CNBD1: variants seen among roughly 807,000 people sequenced by gnomAD.
CNBD1 encodes cyclic nucleotide-binding domain-containing protein 1.
Under a neutral mutation model 54.4 loss-of-function variants are expected in CNBD1, and 71 were observed. The observed-to-expected ratio is 1.30, with a 90% CI of 1.08 to 1.59. CNBD1 has a LOEUF of 1.59. Among genes scored for constraint, CNBD1 ranks in the 40% most tolerant of loss-of-function variants. The pLI, the probability that CNBD1 is intolerant of heterozygous loss-of-function variation, is 0.00. For missense variants in CNBD1, 659 were observed against 518.0 expected (o/e 1.27, Z -2.64); for synonymous variants, 182 against 170.7 (o/e 1.07, Z -0.51).
chr8:87,090,814 A>G (rs1373964509), intron 4 of CNBD1, among the ~76,000 whole-genome samples: 3 of 152,150 alleles, frequency 2.0e-5, no homozygotes, highest in Admixed American at 6.6e-5. Context: ...ATAGCTTATG[A>G]CACATTAAAC....
chr8:87,119,292 C>T (rs564153167), intron 4 of CNBD1, among the ~76,000 whole-genome samples: 1 of 150,264 alleles, frequency 6.7e-6, no homozygotes, highest in African/African-American at 2.4e-5. Flanking sequence ...TTGTAGATAC[C>T]TTTTACTTCT....
intron 3 of CNBD1, among the ~76,000 whole-genome samples, chr8:86,937,131 G>A (rs976954349): frequency 1.3e-5 from 2 of 152,170 alleles, no homozygotes; most frequent in African/African-American, 2.4e-5. Context: ...AATCATGGTA[G>A]AAGGTGGAGG....
At chr8:87,016,433 A>G (rs1809357154) in intron 4 of CNBD1, among the ~76,000 whole-genome samples, 2 of 150,730 alleles carry the variant, frequency 1.3e-5, no homozygotes, top group South Asian at 4.2e-4. Flanking sequence ...AAATAAAGGA[A>G]ATTATACAGA....
At chr8:87,088,978 A>T (rs1407342581) in intron 4 of CNBD1, among the ~76,000 whole-genome samples, 1 of 152,216 alleles carries the variant, frequency 6.6e-6, no homozygotes, top group Non-Finnish European at 1.5e-5. Context: ...ACTTCAGAAT[A>T]CAAAGGAGAA....
At chr8:86,963,386 G>A (rs1017327554) in intron 4 of CNBD1, among the ~76,000 whole-genome samples, 26 of 152,138 alleles carry the variant, frequency 1.7e-4, no homozygotes, top group African/African-American at 4.1e-4. Context: ...TTCGACTCCC[G>A]CTGTCATCTG....
At chr8:87,370,237 A>T (rs1422959803) in intron 10 of CNBD1, among the ~76,000 whole-genome samples, 1 of 152,062 alleles carries the variant, frequency 6.6e-6, no homozygotes, top group African/African-American at 2.4e-5. Context: ...CTTTGGGTAT[A>T]TACCCAGTAA....
At chr8:87,422,017 G>A (rs1245765114) in intron 2 of CNBD1, among the ~76,000 whole-genome samples, 2 of 149,130 alleles carry the variant, frequency 1.3e-5, no homozygotes, top group Non-Finnish European at 3.0e-5. Flanking sequence ...GCATTTCTCT[G>A]ATGGCCAGTG....
At chr8:87,391,316 T>C (rs1259103174) in intron 2 of CNBD1, among the ~76,000 whole-genome samples, 1 of 151,946 alleles carries the variant, frequency 6.6e-6, no homozygotes, top group African/African-American at 2.4e-5. Flanking sequence ...TTCAATGCAG[T>C]CCCTATCAAA....
At position 87,334,794 on chromosome 8, in the gene CNBD1, G is replaced by A. The variant is rs1809909774; in HGVS notation, c.1043-16891G>A. On this transcript the variant is annotated intron_variant, in intron 8 of 10. Transcript: ENST00000518476. Reference sequence around the variant, plus strand: ...AGTGCAGTGCAGTGGCGCAATCTCAGCTCACTGCAATCTCCACCTCCTGGA... The same window carrying A: ...AGTGCAGTGCAGTGGCGCAATCTCAACTCACTGCAATCTCCACCTCCTGGA... Among the ~76,000 whole-genome samples the A allele has an allele frequency of 2.0e-5, 3 of 149,662 alleles. No homozygotes were observed. The South Asian group carries it at 6.3e-4, about 31-fold the overall frequency.
chr8:87,307,748 TTA>T (rs35262193), intron 8 of CNBD1, among the ~76,000 whole-genome samples: 13 of 138,004 alleles, frequency 9.4e-5, no homozygotes, highest in South Asian at 6.6e-4. Context: ...AAAAAAAAAA[TTA>T]TATATATATA....
intron 10 of CNBD1, among the ~76,000 whole-genome samples, chr8:87,355,873 T>G (rs1032704850): frequency 1.4e-4 from 22 of 152,148 alleles, no homozygotes; most frequent in African/African-American, 4.8e-4. Context: ...GGGAGGTTTT[T>G]GGGTCAAGGA....
intron 4 of CNBD1, among the ~76,000 whole-genome samples, chr8:86,989,815 A>G (rs1165272519): frequency 6.6e-6 from 1 of 152,156 alleles, no homozygotes; most frequent in African/African-American, 2.4e-5. Flanking sequence ...TCAACAGTGT[A>G]CGAGGGTTCC....
At chr8:87,403,027 G>T (rs890802548) in intron 2 of CNBD1, among the ~76,000 whole-genome samples, 1 of 151,930 alleles carries the variant, frequency 6.6e-6, no homozygotes, top group Non-Finnish European at 1.5e-5. Flanking sequence ...AATTCAAATT[G>T]ACTAGCTAAA....
intron 4 of CNBD1, among the ~76,000 whole-genome samples, chr8:87,174,824 CAT>C (rs1813164698): frequency 1.3e-5 from 2 of 152,210 alleles, no homozygotes; most frequent in Admixed American, 1.3e-4. Context: ...CTTGCAGACT[CAT>C]AGAGGTACTG....
At chr8:87,331,654 G>A (rs935915654) in intron 8 of CNBD1, among the ~76,000 whole-genome samples, 1 of 152,128 alleles carries the variant, frequency 6.6e-6, no homozygotes, top group African/African-American at 2.4e-5. Flanking sequence ...TTCCACAATG[G>A]TTGAATTAAT....
At chr8:87,370,634 GT>G (rs1401851822) in intron 10 of CNBD1, among the ~76,000 whole-genome samples, 1 of 151,740 alleles carries the variant, frequency 6.6e-6, no homozygotes, top group Non-Finnish European at 1.5e-5. Flanking sequence ...TTAGCCCTTT[GT>G]CAGATGAGTA....
chr8:87,037,889 G>T (rs1236818163), intron 4 of CNBD1, among the ~76,000 whole-genome samples: 6 of 152,090 alleles, frequency 3.9e-5, no homozygotes, highest in Non-Finnish European at 8.8e-5. Context: ...GTGCTTTCAG[G>T]CCTCATATAG....
chr8:87,365,064 C>T (rs1810615519), intron 10 of CNBD1, among the ~76,000 whole-genome samples: 1 of 151,988 alleles, frequency 6.6e-6, no homozygotes, highest in South Asian at 2.1e-4. Context: ...TGAGGGGTTG[C>T]CACACTGCTT....
intron 4 of CNBD1, among the ~76,000 whole-genome samples, chr8:87,004,021 C>CA (rs1244874022): frequency 1.3e-5 from 2 of 151,826 alleles, no homozygotes; most frequent in Non-Finnish European, 2.9e-5. Flanking sequence ...CAAGAATCAG[C>CA]AAAAAAACCT....
Sources: allele counts gnomAD v4.1 joint callset (sites outside exome capture counted in the v4.1 genomes callset), GRCh38; gene constraint gnomAD v4.1.1; transcripts MANE v1.5; gene names NCBI Gene and HGNC (gene_info 2026-07-23, HGNC 2026-07-21).